Variants in EEA1 observed in about 807,000 individuals in gnomAD.
EEA1 encodes early endosome antigen 1.
A neutral mutation model predicts 209.2 loss-of-function variants in EEA1; 111 were observed. The ratio of observed to expected loss-of-function variants is 0.53; its 90% CI spans 0.45 to 0.62. The LOEUF (loss-of-function observed/expected upper bound fraction) is 0.62, where lower values mean the gene tolerates loss of function less well. EEA1 is among the 20% of genes least tolerant of loss of function. EEA1 has a pLI of 0.00. For missense variants in EEA1, 1,343 were observed against 1,530.8 expected (o/e 0.88, Z 2.05); for synonymous variants, 536 against 540.6 (o/e 0.99, Z 0.12).
At chr12:92,924,864 A>C (rs932927561) in intron 1 of EEA1, among the ~76,000 whole-genome samples, 5 of 144,258 alleles carry the variant, frequency 3.5e-5, no homozygotes, top group Non-Finnish European at 7.7e-5. Context: ...AAAAAAAAAA[A>C]AACTACTCAA....
rs1302753201 is a variant in EEA1, at chr12:92,858,863, G to C, written c.246-1378C>G. 3 of 732,846 alleles carry C rather than the reference G, an allele frequency of 4.1e-6. No individual in the cohort carries two copies. In the Admixed American group the frequency reaches 5.3e-5, roughly 13 times the overall value. The allele number at this position is 732,846 out of a possible 1,614,324, so 45.4% of individuals were successfully genotyped here. A position where few individuals can be genotyped will look rare whatever the true frequency, so the allele number is the denominator to read the frequency against. ...ATTGGTGTGCCTCGGGGTGATGCTGGTTTGTATGACTGGACAGAAAACCAT... is the reference window on the plus strand; with the variant it reads ...ATTGGTGTGCCTCGGGGTGATGCTGCTTTGTATGACTGGACAGAAAACCAT... On this transcript the variant is annotated intron_variant, in intron 3 of 28. Transcript: ENST00000322349.
chr12:92,812,864 G>T, intron 16 of EEA1, 116 bp downstream of exon 16: 1 of 592,788 alleles, frequency 1.7e-6, no homozygotes. Context: ...AAATTAAGGG[G>T]GATAAGCAAG....
intron 1 of EEA1, among the ~76,000 whole-genome samples, chr12:92,912,002 C>T (rs2136777598): frequency 6.6e-6 from 1 of 152,108 alleles, no homozygotes; most frequent in East Asian, 1.9e-4. Context: ...ACCAAATAGC[C>T]CTGGTTGATA....
intron 1 of EEA1, among the ~76,000 whole-genome samples, chr12:92,892,081 T>C (rs1266385496): frequency 1.3e-5 from 2 of 152,124 alleles, no homozygotes; most frequent in African/African-American, 2.4e-5. Context: ...TTGTTCACCA[T>C]TGTACTCTTT....
chr12:92,916,599 G>GCCTAGATCGCACCATTACACT (rs1240187659), intron 1 of EEA1, among the ~76,000 whole-genome samples: 2 of 99,926 alleles, frequency 2.0e-5, no homozygotes, highest in African/African-American at 4.8e-5. Context: ...GTTGCAGTGA[G>GCCTAGATCGCACCATTACACT]CCATCATCAA....
intron 2 of EEA1, chr12:92,884,522 A>G (rs146661494): frequency 0.092 from 137,098 of 1,483,480 alleles, 7,305 homozygotes; most frequent in African/African-American, 0.17. Context: ...TGGAAGCTAC[A>G]ATGATTTTGG....
At chr12:92,878,306 G>A (rs988355875) in intron 2 of EEA1, among the ~76,000 whole-genome samples, 1 of 152,102 alleles carries the variant, frequency 6.6e-6, no homozygotes, top group Non-Finnish European at 1.5e-5. Context: ...CAAAAAAGGT[G>A]GGGGAACGGA....
In EEA1 at chr12:92,798,945, T is replaced by C. The variant is rs749233814; in HGVS notation, c.2914A>G (p.Lys972Glu). 1 of 1,611,762 alleles carries C rather than the reference T, an allele frequency of 6.2e-7. No homozygotes were observed. The highest frequency in any genetic ancestry group is 1.1e-5 in the South Asian group (1 of 90,412). The stretch of plus-strand genomic sequence containing the variant: ...CCTTGGAGTGCTTCAATTTGTTTTT[T>C]CTTCTGTTCACTTGATTGCTTTAGC... Reference protein sequence around the residue: ...NELKQSSEQKKKQIEALQGEL... With the variant: ...NELKQSSEQKEKQIEALQGEL... The change falls in exon 21 of 29, where the codon AAA (lysine) becomes GAA (glutamate). Residue 972 changes from lysine (K) to glutamate (E), a missense_variant. Coordinates refer to ENST00000322349, the MANE Select transcript of EEA1 (RefSeq NM_003566.4).
intron 1 of EEA1, among the ~76,000 whole-genome samples, chr12:92,912,878 CT>C (rs1880628610): frequency 2.0e-5 from 3 of 152,180 alleles, no homozygotes; most frequent in Admixed American, 2.0e-4. Context: ...TGATCTCATT[CT>C]TTTTTATGGC....
intron 5 of EEA1, among the ~76,000 whole-genome samples, chr12:92,856,749 A>G (rs1254560309): frequency 6.6e-6 from 1 of 150,492 alleles, no homozygotes; most frequent in Non-Finnish European, 1.5e-5. Flanking sequence ...AAAAAAAACA[A>G]CATATAGATA....
At chr12:92,914,801 G>A (rs554372220) in intron 1 of EEA1, among the ~76,000 whole-genome samples, 101 of 152,080 alleles carry the variant, frequency 6.6e-4, no homozygotes, top group Non-Finnish European at 9.9e-4. Flanking sequence ...GTAACTGGAA[G>A]AAAAGGCGTG....
intron 2 of EEA1, chr12:92,883,902 T>A (rs1305907476): frequency 2.5e-6 from 4 of 1,586,330 alleles, no homozygotes; most frequent in Non-Finnish European, 2.6e-6. Flanking sequence ...TCACGGACTG[T>A]GTGGTAATGA....
At chr12:92,920,747 T>G (rs1014755501) in intron 1 of EEA1, among the ~76,000 whole-genome samples, 5 of 151,286 alleles carry the variant, frequency 3.3e-5, no homozygotes, top group African/African-American at 1.2e-4. Context: ...AATTGACAAA[T>G]GGGATCTAAT....
intron 21 of EEA1, among the ~76,000 whole-genome samples, chr12:92,789,366 G>A (rs1874291903): frequency 6.6e-6 from 1 of 151,708 alleles, no homozygotes; most frequent in Non-Finnish European, 1.5e-5. Context: ...CTAGTCCCAG[G>A]CTTTAAAGAT....
chr12:92,803,590 G>A (rs1368040140), intron 18 of EEA1, among the ~76,000 whole-genome samples: 1 of 151,792 alleles, frequency 6.6e-6, no homozygotes, highest in Non-Finnish European at 1.5e-5. Context: ...ATGTTAAAGG[G>A]AGGTTGTTAA....
rs1253567163 is a variant in EEA1, at chr12:92,773,705, A to G, written c.*2306T>C. 1 of 151,692 alleles carries G rather than the reference A, an allele frequency of 6.6e-6. No individual in the cohort carries two copies. Among genetic ancestry groups the G allele is most frequent in the Non-Finnish European group, 1.5e-5 (1 of 67,660 alleles). The allele number at this position is 151,692 out of a possible 1,614,324, so 9.4% of individuals were successfully genotyped here. On this transcript the variant is annotated 3_prime_UTR_variant, in exon 29 of 29. Coordinates refer to ENST00000322349, the MANE Select transcript of EEA1 (RefSeq NM_003566.4). ...AGCAAACATGTAAAATGTACAGCCA[A>G]TAAGGACTTCAAAGATGACTTTTTA...
intron 22 of EEA1, among the ~76,000 whole-genome samples, chr12:92,785,140 G>A (rs1874075227): frequency 6.6e-6 from 1 of 151,762 alleles, no homozygotes; most frequent in South Asian, 2.1e-4. Context: ...TATTATCCTA[G>A]AATTTTCACT....
intron 22 of EEA1, 145 bp downstream of exon 22, chr12:92,787,722 C>G (rs995153412): frequency 1.6e-6 from 1 of 606,438 alleles, no homozygotes; most frequent in East Asian, 3.4e-5. Context: ...TTAAAGCATG[C>G]TAATACAAAA....
At chr12:92,901,453 G>A (rs1043432479) in intron 1 of EEA1, among the ~76,000 whole-genome samples, 2 of 152,086 alleles carry the variant, frequency 1.3e-5, no homozygotes, top group Non-Finnish European at 2.9e-5. Flanking sequence ...TAAAGCCCAA[G>A]AGGCATGGGG....
Sources: gnomAD v4.1 joint callset for allele counts (sites outside exome capture counted in the v4.1 genomes callset) on GRCh38, gnomAD v4.1.1 for gene constraint, MANE v1.5 for transcripts, NCBI Gene and HGNC (gene_info 2026-07-23, HGNC 2026-07-21) for gene names.